SCAPER: variants seen among roughly 807,000 people sequenced by gnomAD.
SCAPER encodes the protein S-phase cyclin A associated protein in the ER, also known as S phase cyclin A-associated protein in the endoplasmic reticulum.
In SCAPER, 98 loss-of-function variants were observed where a neutral mutation model predicts 182.2. That is an observed-to-expected ratio of 0.54 (90% CI 0.46 to 0.64). The LOEUF (loss-of-function observed/expected upper bound fraction) is 0.64, where lower values mean the gene tolerates loss of function less well. Among genes scored for constraint, SCAPER ranks in the 30% least tolerant of loss-of-function variants. SCAPER has a pLI of 0.00. For missense variants in SCAPER, 1,432 were observed against 1,690.0 expected, an observed-to-expected ratio of 0.85 and a Z score of 2.68; for synonymous variants, 605 against 564.6, an observed-to-expected ratio of 1.07 and a Z score of -1.01.
chr15:76,879,120 T>C lies in SCAPER; in HGVS notation c.6+4692A>G, dbSNP rs112669474. ...AACTTGTACTATTCTTTTCCTTCTT[T>C]GCCATGCTCCAAAATCAGACTTTCA... is the stretch of plus-strand genomic sequence containing the variant. On this transcript the variant is annotated intron_variant, in intron 2 of 31. Coordinates refer to ENST00000563290, the MANE Select transcript of SCAPER (RefSeq NM_020843.4). 1.9e-3 allele frequency among the ~76,000 whole-genome samples: 290 copies of C among 152,338 alleles called. 3 individuals carry two copies. The highest frequency in any genetic ancestry group is 6.3e-3 in the African/African-American group (262 of 41,572).
intron 20 of SCAPER, among the ~76,000 whole-genome samples, chr15:76,673,358 T>C (rs558044043): frequency 2.0e-5 from 3 of 152,254 alleles, no homozygotes; most frequent in African/African-American, 4.8e-5. Context: ...CTCAGATTTA[T>C]CATCGTGTTA....
intron 5 of SCAPER, among the ~76,000 whole-genome samples, chr15:76,833,634 G>C (rs926028373): frequency 6.6e-6 from 1 of 152,124 alleles, no homozygotes; most frequent in African/African-American, 2.4e-5. Flanking sequence ...CACATGCAAT[G>C]ACAACCACAG....
chr15:76,630,312 G>A (rs1369914950), intron 21 of SCAPER, among the ~76,000 whole-genome samples: 1 of 152,058 alleles, frequency 6.6e-6, no homozygotes, highest in East Asian at 1.9e-4. Context: ...GTTCTGCTCT[G>A]AGCTTGGTTA....
At chr15:76,608,793 G>A (rs1467474273) in intron 22 of SCAPER, among the ~76,000 whole-genome samples, 2 of 152,230 alleles carry the variant, frequency 1.3e-5, no homozygotes, top group Non-Finnish European at 2.9e-5. Context: ...AGCAATGAGT[G>A]AGACTCCGTT....
At chr15:76,472,511 A>AG (rs1386451828) in intron 24 of SCAPER, 7 of 385,720 alleles carry the variant, frequency 1.8e-5, no homozygotes, top group African/African-American at 1.3e-4. Flanking sequence ...AATTACATGA[A>AG]CCTGCCACCA....
At chr15:76,592,312 G>T (rs555732889) in intron 22 of SCAPER, among the ~76,000 whole-genome samples, 1 of 65,948 alleles carries the variant, frequency 1.5e-5, no homozygotes, top group African/African-American at 3.1e-5. Flanking sequence ...AGCAGAGTTA[G>T]GCCAACTACA....
intron 4 of SCAPER, among the ~76,000 whole-genome samples, chr15:76,848,189 G>A (rs1004759867): frequency 4.0e-5 from 6 of 151,258 alleles, no homozygotes; most frequent in Admixed American, 2.0e-4. Context: ...TTGTAGAAAC[G>A]GGGTTTCACC....
At chr15:76,865,453 A>T in intron 2 of SCAPER, among the ~76,000 whole-genome samples, 1 of 152,180 alleles carries the variant, frequency 6.6e-6, no homozygotes, top group Non-Finnish European at 1.5e-5. Context: ...AAACGGTTCA[A>T]AACAGAATGA....
chr15:76,753,955 A>G lies in SCAPER; in HGVS notation c.1726-7T>C. On this transcript the variant is annotated splice_region_variant and splice_polypyrimidine_tract_variant and intron_variant, in intron 14 of 31. Transcript: ENST00000563290. ...ACTTCCGGACATCCTTCTCCTACGT[A>G]TAGTGAATCATCACATCCTTAATTT... 1 of 1,611,090 alleles carries G rather than the reference A, an allele frequency of 6.2e-7. No homozygotes were observed. Among genetic ancestry groups the G allele is most frequent in the Non-Finnish European group, 8.5e-7 (1 of 1,178,498 alleles).
At chr15:76,656,575 C>A (rs886221680) in intron 21 of SCAPER, among the ~76,000 whole-genome samples, 4 of 152,098 alleles carry the variant, frequency 2.6e-5, no homozygotes, top group Admixed American at 1.3e-4. Context: ...GAACTCTCCA[C>A]CCCAAAACAA....
At chr15:76,842,587 A>C (rs2069586072) in intron 4 of SCAPER, among the ~76,000 whole-genome samples, 1 of 152,212 alleles carries the variant, frequency 6.6e-6, no homozygotes, top group Non-Finnish European at 1.5e-5. Flanking sequence ...TAAATTACCC[A>C]GTCTCAGGCA....
chr15:76,756,510 C>T (rs1433864629), intron 14 of SCAPER, among the ~76,000 whole-genome samples: 1 of 151,928 alleles, frequency 6.6e-6, no homozygotes, highest in East Asian at 1.9e-4. Context: ...CCCAGAAGTT[C>T]TAGGCTGCAG....
rs1399376423 is a variant in SCAPER, at chr15:76,404,578, T to A, written c.3413A>T (p.His1138Leu). 6.2e-7 allele frequency: 1 copy of A among 1,613,688 alleles called. No homozygotes were observed. Among genetic ancestry groups the A allele is most frequent in the Admixed American group, 1.7e-5 (1 of 60,006 alleles). Residue 1138 changes from histidine to leucine, a missense_variant, in exon 27 of 32, where the codon CAT (histidine) becomes CTT (leucine). By Grantham distance (99) the His-to-Leu change is moderately conservative (BLOSUM62 -3). Transcript: ENST00000563290. ...CATTGCATGTAAGAGTCCTGCGGCA[T>A]GCTGCAGAAATATGGCCATCTTGGG... ...ENPKMAIFLQ[H>L]AAGLLHAMCT...
At chr15:76,462,809 C>T (rs1188723193) in intron 25 of SCAPER, among the ~76,000 whole-genome samples, 1 of 152,166 alleles carries the variant, frequency 6.6e-6, no homozygotes, top group Non-Finnish European at 1.5e-5. Context: ...AAGCTCTATA[C>T]ACACAACATC....
At chr15:76,900,207 G>GC (rs1159378420) in intron 1 of SCAPER, among the ~76,000 whole-genome samples, 1 of 151,922 alleles carries the variant, frequency 6.6e-6, no homozygotes, top group East Asian at 1.9e-4. Flanking sequence ...AGGGCCGAAG[G>GC]CCGCAGGGAC....
At chr15:76,390,016 G>A (rs1050559178) in intron 27 of SCAPER, among the ~76,000 whole-genome samples, 1 of 151,896 alleles carries the variant, frequency 6.6e-6, no homozygotes, top group Non-Finnish European at 1.5e-5. Flanking sequence ...CAGTGTGGTG[G>A]CACAATTGTA....
Position 76,876,209 on chromosome 15 carries a change from G to A in SCAPER, c.6+7603C>T, listed in dbSNP as rs180678915. On this transcript the variant is annotated intron_variant, in intron 2 of 31. Coordinates refer to ENST00000563290, the MANE Select transcript of SCAPER (RefSeq NM_020843.4). Reference sequence around the variant, plus strand: ...CCGTGCCTCTCCCTCCACACCTCCCGGCAAGCTGAGGGAGCCGGCTCTGGC... The same window carrying A: ...CCGTGCCTCTCCCTCCACACCTCCCAGCAAGCTGAGGGAGCCGGCTCTGGC... 6.6e-5 allele frequency among the ~76,000 whole-genome samples: 10 copies of A among 152,212 alleles called. No individual in the cohort carries two copies. The East Asian group carries it at 9.7e-4, about 15-fold the overall frequency.
chr15:76,865,061 C>G (rs980285899), intron 2 of SCAPER, among the ~76,000 whole-genome samples: 1 of 152,122 alleles, frequency 6.6e-6, no homozygotes, highest in African/African-American at 2.4e-5. Context: ...GAGATTATCA[C>G]TGATACAGAA....
intron 2 of SCAPER, among the ~76,000 whole-genome samples, chr15:76,876,211 C>T (rs1446230307): frequency 1.3e-5 from 2 of 152,146 alleles, no homozygotes; most frequent in Non-Finnish European, 2.9e-5. Flanking sequence ...CACCTCCCGG[C>T]AAGCTGAGGG....
Sources: allele counts gnomAD v4.1 joint callset (sites outside exome capture counted in the v4.1 genomes callset), GRCh38; gene constraint gnomAD v4.1.1; transcripts MANE v1.5; gene names NCBI Gene and HGNC (gene_info 2026-07-23, HGNC 2026-07-21).